Variants in DUSP22 observed in about 807,000 individuals in gnomAD.
The protein encoded by DUSP22 is dual specificity phosphatase 22, also known as dual specificity protein phosphatase 22.
Under a neutral mutation model 24.5 loss-of-function variants are expected in DUSP22, and 24 were observed. That is an observed-to-expected ratio of 0.98 (90% CI 0.71 to 1.38). The LOEUF is 1.38. Ranked by LOEUF, DUSP22 falls within the 40% of genes most tolerant of loss-of-function variation. DUSP22 has a pLI of 0.00. For synonymous variants in DUSP22, 160 were observed against 106.4 expected (o/e 1.50, Z -3.10); for missense variants, 330 against 269.2 (o/e 1.23, Z -1.58).
intron 5 of DUSP22, among the ~76,000 whole-genome samples, chr6:346,270 G>T (rs1237485209): frequency 6.6e-6 from 1 of 152,298 alleles, no homozygotes; most frequent in African/African-American, 2.4e-5. Flanking sequence ...AGATTCTGTA[G>T]GCTCATCCTT....
intron 1 of DUSP22, among the ~76,000 whole-genome samples, chr6:297,493 C>G (rs554153968): frequency 6.6e-6 from 1 of 152,304 alleles, no homozygotes; most frequent in African/African-American, 2.4e-5. Flanking sequence ...TGTTCCTCAA[C>G]GGCTACACCT....
Position 350,900 on chromosome 6 carries a change from C to A in DUSP22, c.*1949C>A, listed in dbSNP as rs779427752. On this transcript the variant is annotated 3_prime_UTR_variant, in exon 7 of 7. Transcript: ENST00000419235. Reference sequence around the variant, plus strand: ...TGAAGTTTCTGAAATATTGCAAACCCACAGAGTTTAGGCTGGTGCTGCCAA... The same window carrying A: ...TGAAGTTTCTGAAATATTGCAAACCAACAGAGTTTAGGCTGGTGCTGCCAA... 1 of 1,613,684 alleles carries A rather than the reference C, an allele frequency of 6.2e-7. No individual in the cohort carries two copies. Among genetic ancestry groups the A allele is most frequent in the African/African-American group, 1.3e-5 (1 of 74,968 alleles).
At chr6:299,271 GATAAAC>G (rs1439474838) in intron 1 of DUSP22, among the ~76,000 whole-genome samples, 2 of 152,306 alleles carry the variant, frequency 1.3e-5, no homozygotes, top group East Asian at 3.8e-4. Flanking sequence ...GGTTGTTGCA[GATAAAC>G]ACCTTGTGGT....
At chr6:323,639 C>T (rs1424791453) in intron 3 of DUSP22, among the ~76,000 whole-genome samples, 1 of 152,302 alleles carries the variant, frequency 6.6e-6, no homozygotes, top group Non-Finnish European at 1.5e-5. Context: ...CGTCCCTTTG[C>T]CATCTTAGGA....
chr6:298,961 G>C (rs1456535230), intron 1 of DUSP22, among the ~76,000 whole-genome samples: 2 of 152,426 alleles, frequency 1.3e-5, no homozygotes, highest in East Asian at 1.9e-4. Context: ...ATGAGAGAGA[G>C]AGTGCCAGGG....
intron 4 of DUSP22, among the ~76,000 whole-genome samples, chr6:345,227 T>TC (rs1325527226): frequency 1.2e-4 from 18 of 150,180 alleles, no homozygotes; most frequent in South Asian, 6.2e-4. Flanking sequence ...TTTCTTTCTT[T>TC]TTTTTTTTTT....
At chr6:314,014 G>T (rs1758224236) in intron 3 of DUSP22, among the ~76,000 whole-genome samples, 1 of 152,308 alleles carries the variant, frequency 6.6e-6, no homozygotes, top group Admixed American at 6.5e-5. Flanking sequence ...AGCCTGAGAT[G>T]AGTCAGGGAA....
intron 1 of DUSP22, among the ~76,000 whole-genome samples, chr6:302,067 G>A (rs1440762826): frequency 6.6e-6 from 1 of 152,304 alleles, no homozygotes; most frequent in Non-Finnish European, 1.5e-5. Context: ...GCATGCACAG[G>A]ACTGGAGTGT....
chr6:303,213 C>T (rs569687378), intron 1 of DUSP22, among the ~76,000 whole-genome samples: 104 of 152,394 alleles, frequency 6.8e-4, no homozygotes, highest in African/African-American at 2.1e-3. Context: ...CAGTGGGATC[C>T]ACATCCAGGA....
At chr6:339,071 T>C (rs1316975659) in intron 4 of DUSP22, among the ~76,000 whole-genome samples, 1 of 152,304 alleles carries the variant, frequency 6.6e-6, no homozygotes, top group Non-Finnish European at 1.5e-5. Context: ...AATGTAAAAG[T>C]TCAAGTTCTC....
At chr6:312,076 C>G in intron 3 of DUSP22, 114 bp downstream of exon 3, 2 of 1,140,058 alleles carry the variant, frequency 1.8e-6, no homozygotes, top group South Asian at 1.6e-5. Flanking sequence ...CTCCTGTGAT[C>G]TCTGGCGGCA....
At chr6:323,556 C>A (rs1316707466) in intron 3 of DUSP22, among the ~76,000 whole-genome samples, 3 of 152,306 alleles carry the variant, frequency 2.0e-5, no homozygotes, top group Non-Finnish European at 4.4e-5. Context: ...ATCCACAAGG[C>A]CCTTGGCTCC....
chr6:295,948 T>C (rs894217001), intron 1 of DUSP22, among the ~76,000 whole-genome samples: 19 of 152,398 alleles, frequency 1.2e-4, no homozygotes, highest in Admixed American at 1.2e-3. Flanking sequence ...AGAGGTTAGG[T>C]AGCATAAGTA....
intron 4 of DUSP22, 93 bp from the exon 5 acceptor site, chr6:345,761 A>G (rs1357562300): frequency 1.4e-6 from 2 of 1,477,886 alleles, no homozygotes; most frequent in Admixed American, 4.0e-5. Flanking sequence ...AAATCAATTA[A>G]CATTTTAAGA....
chr6:304,360 C>T (rs1757723029), intron 1 of DUSP22, among the ~76,000 whole-genome samples: 1 of 152,306 alleles, frequency 6.6e-6, no homozygotes, highest in African/African-American at 2.4e-5. Context: ...GGACTTGGAC[C>T]CTCAGAATGC....
chr6:294,633 C>G (rs1757243576), intron 1 of DUSP22, among the ~76,000 whole-genome samples: 1 of 152,260 alleles, frequency 6.6e-6, no homozygotes, highest in Non-Finnish European at 1.5e-5. Flanking sequence ...GGAAAAATCT[C>G]GGGACCCCCA....
chr6:296,284 GTACTT>G (rs1561643681), intron 1 of DUSP22, among the ~76,000 whole-genome samples: 1 of 152,306 alleles, frequency 6.6e-6, no homozygotes, highest in Non-Finnish European at 1.5e-5. Context: ...TGTGTTTTGA[GTACTT>G]TACCACATAG....
At chr6:309,940 TTTG>T (rs372132133) in intron 2 of DUSP22, among the ~76,000 whole-genome samples, 2,628 of 151,370 alleles carry the variant, frequency 0.017, 3 homozygotes, top group Non-Finnish European at 0.026. Flanking sequence ...TTTGCCTTTC[TTTG>T]TTGTTGTTGT....
rs1760159842 is a variant in DUSP22, at chr6:350,695, A to G, written c.*1744A>G. On this transcript the variant is annotated 3_prime_UTR_variant, in exon 7 of 7. Transcript: ENST00000419235. ...CTAAGCCAAAAATAAATACGTTAAC[A>G]GAAAAATGATTTAGGATATAGCTTG... 4 of 1,581,924 alleles carry G rather than the reference A, an allele frequency of 2.5e-6. No individual in the cohort carries two copies. The highest frequency in any genetic ancestry group is 3.4e-6 in the Non-Finnish European group (4 of 1,164,992).
Sources: allele counts gnomAD v4.1 joint callset (sites outside exome capture counted in the v4.1 genomes callset), GRCh38; gene constraint gnomAD v4.1.1; transcripts MANE v1.5; gene names NCBI Gene and HGNC (gene_info 2026-07-23, HGNC 2026-07-21).